GPR65: variants seen among roughly 807,000 people sequenced by gnomAD.
The protein encoded by GPR65 is G protein-coupled receptor 65, also known as T-cell death-associated gene 8 protein.
A neutral mutation model predicts 0.7 loss-of-function variants in GPR65; 2 were observed. That is an observed-to-expected ratio of 2.83 (90% CI 1.16 to 8.92). The LOEUF (loss-of-function observed/expected upper bound fraction) is 8.92, where lower values mean the gene tolerates loss of function less well. GPR65 is among the 30% of genes most tolerant of loss of function. The probability of loss-of-function intolerance (pLI) is 0.04; values close to 1 mark genes in which losing one functional copy is unlikely to be tolerated. For synonymous variants in GPR65, 128 were observed against 146.5 expected, an observed-to-expected ratio of 0.87 and a Z score of 0.91; for missense variants, 379 against 399.4, an observed-to-expected ratio of 0.95 and a Z score of 0.43.
In GPR65 at chr14:88,013,730, G is replaced by T. The variant is rs540592777; in HGVS notation, c.*1869G>T. 6.6e-6 allele frequency: 1 copy of T among 152,382 alleles called. No homozygotes were observed. Among genetic ancestry groups the T allele is most frequent in the East Asian group, 1.9e-4 (1 of 5,166 alleles). 9.4% of individuals were successfully genotyped at this position (152,382 alleles called of 1,614,324 possible). ...AAAAATTCAAAAATGTGCCAGACCT[G>T]GCCTGGTGGCATGTGCCTGTAATCC... is the stretch of plus-strand genomic sequence containing the variant. On this transcript the variant is annotated 3_prime_UTR_variant, in exon 2 of 2. Coordinates refer to ENST00000267549, the MANE Select transcript of GPR65 (RefSeq NM_003608.4).
chr14:88,011,405 C>G lies in GPR65; in HGVS notation c.558C>G (p.Phe186Leu). 1 of 1,613,980 alleles carries G rather than the reference C, an allele frequency of 6.2e-7. No individual in the cohort carries two copies. Residue 186 changes from phenylalanine to leucine, a missense_variant, in exon 2 of 2, where the codon TTC (phenylalanine) becomes TTG (leucine). By Grantham distance (22) the Phe-to-Leu change is conservative. Transcript: ENST00000267549. ...LEKWQINLNLFRTCTGYAIPL... is the reference protein window; with the variant it reads ...LEKWQINLNLLRTCTGYAIPL... Reference sequence around the variant, plus strand: ...AATGGCAAATCAACCTCAACTTGTTCAGGACGTGTACAGGCTATGCAATAC... The same window carrying G: ...AATGGCAAATCAACCTCAACTTGTTGAGGACGTGTACAGGCTATGCAATAC...
Position 88,010,790 on chromosome 14 carries a change from A to G in GPR65, c.-58A>G. The G allele has an allele frequency of 8.5e-7, 1 of 1,169,842 alleles. No individual in the cohort carries two copies. The highest frequency in any genetic ancestry group is 1.2e-6 in the Non-Finnish European group (1 of 802,910). The allele number at this position is 1,169,842 out of a possible 1,614,324, so 72.5% of individuals were successfully genotyped here. A position where few individuals can be genotyped will look rare whatever the true frequency, so the allele number is the denominator to read the frequency against. ...TGTTCAAAACAAACTACAAAGAGACAAGACTTCTCTGTTTACTTTCTAAGA... is the reference window on the plus strand; with the variant it reads ...TGTTCAAAACAAACTACAAAGAGACGAGACTTCTCTGTTTACTTTCTAAGA... On this transcript the variant is annotated 5_prime_UTR_variant, in exon 2 of 2. Coordinates refer to ENST00000267549, the MANE Select transcript of GPR65 (RefSeq NM_003608.4).
Position 88,011,053 on chromosome 14 carries a change from T to A in GPR65, c.206T>A (p.Leu69Ter). 6.2e-7 allele frequency: 1 copy of A among 1,612,296 alleles called. No homozygotes were observed. Among genetic ancestry groups the A allele is most frequent in the Non-Finnish European group, 8.5e-7 (1 of 1,178,332 alleles). The change falls in exon 2 of 2, where the codon TTA (leucine) becomes TAA (stop). Residue 69 changes from leucine to a stop codon, truncating the protein, a stop_gained. Coordinates refer to ENST00000267549, the MANE Select transcript of GPR65 (RefSeq NM_003608.4). LOFTEE classifies it low-confidence loss of function (END_TRUNC). Reference protein sequence around the residue: ...SDLLYALTLPLWIDYTWNKDN... With the variant: ...SDLLYALTLP Reference sequence around the variant, plus strand: ...TTACTCTATGCATTAACTCTCCCTTTATGGATTGATTATACCTGGAATAAA... The same window carrying A: ...TTACTCTATGCATTAACTCTCCCTTAATGGATTGATTATACCTGGAATAAA...
In GPR65 at chr14:88,011,580, A is replaced by G. The variant is rs1359838367; in HGVS notation, c.733A>G (p.Met245Val). Residue 245 changes from methionine (M) to valine (V), a missense_variant, in exon 2 of 2, where the codon ATG (methionine) becomes GTG (valine). By Grantham distance (21) the Met-to-Val change is conservative. Transcript: ENST00000267549. ...CTTATGCTTTACTCCCTTTCATGTGATGTTGCTGATTCGCTGCATTTTAGA... is the reference window on the plus strand; with the variant it reads ...CTTATGCTTTACTCCCTTTCATGTGGTGTTGCTGATTCGCTGCATTTTAGA... ...FVLCFTPFHVMLLIRCILEHA... is the reference protein window; with the variant it reads ...FVLCFTPFHVVLLIRCILEHA... The G allele has an allele frequency of 6.2e-7, 1 of 1,613,960 alleles. No individual in the cohort carries two copies. Among genetic ancestry groups the G allele is most frequent in the Admixed American group, 1.7e-5 (1 of 59,978 alleles).
In GPR65 at chr14:88,011,801, AAG is replaced by A. The variant is rs1244514631; in HGVS notation, c.956_957del (p.Arg319LysfsTer18). ...TGRCNTSQRQ[R>X]KRILSVSTKD... ...GGAGGTGTAATACATCACAAAGACA[AAG>A]AAAACGCATACTTTCTGTGTCTACA... is the stretch of plus-strand genomic sequence containing the variant. On this transcript the variant is annotated frameshift_variant, in exon 2 of 2. Transcript: ENST00000267549. LOFTEE classifies it high-confidence loss of function. The A allele has an allele frequency of 7.5e-6, 12 of 1,602,174 alleles. No homozygotes were observed. Among genetic ancestry groups the A allele is most frequent in the Non-Finnish European group, 8.5e-6 (10 of 1,172,848 alleles).
Position 88,010,756 on chromosome 14 carries a change from C to A in GPR65, c.-92C>A. On this transcript the variant is annotated 5_prime_UTR_variant, in exon 2 of 2. Coordinates refer to ENST00000267549, the MANE Select transcript of GPR65 (RefSeq NM_003608.4). ...ATTGAAAAAGAATTCTCAGTAAAAG[C>A]GAATTCGATGTTCAAAACAAACTAC... The A allele has an allele frequency of 1.2e-6, 1 of 815,466 alleles. No individual in the cohort carries two copies. Among genetic ancestry groups the A allele is most frequent in the Non-Finnish European group, 2.0e-6 (1 of 503,522 alleles). 50.5% of individuals were successfully genotyped at this position (815,466 alleles called of 1,614,324 possible).
At position 88,012,188 on chromosome 14, in the gene GPR65, T is replaced by A. The variant is rs1478379705; in HGVS notation, c.*327T>A. The A allele has an allele frequency of 5.8e-6, 1 of 171,434 alleles. No homozygotes were observed. Among genetic ancestry groups the A allele is most frequent in the East Asian group, 1.6e-4 (1 of 6,150 alleles). The allele number at this position is 171,434 out of a possible 1,614,324, so 10.6% of individuals were successfully genotyped here. ...CTGTTTCTTCCTTTGTGTCTGGGTT[T>A]ATGATTTTTCTCACTCTTTCTTTGG... On this transcript the variant is annotated 3_prime_UTR_variant, in exon 2 of 2. Coordinates refer to ENST00000267549, the MANE Select transcript of GPR65 (RefSeq NM_003608.4).
intron 1 of GPR65, among the ~76,000 whole-genome samples, chr14:88,007,334 T>G (rs1161722999): frequency 6.6e-6 from 1 of 152,108 alleles, no homozygotes; most frequent in Admixed American, 6.6e-5. Context: ...TATTGCCTTT[T>G]CAACATTCTC....
At position 88,011,920 on chromosome 14, in the gene GPR65, A is replaced by T. The variant is rs960973275; in HGVS notation, c.*59A>T. 29 of 1,269,444 alleles carry T rather than the reference A, an allele frequency of 2.3e-5. No homozygotes were observed. Among genetic ancestry groups the T allele is most frequent in the African/African-American group, 3.0e-5 (2 of 67,016 alleles). 78.6% of individuals were successfully genotyped at this position (1,269,444 alleles called of 1,614,324 possible). On this transcript the variant is annotated 3_prime_UTR_variant, in exon 2 of 2. Coordinates refer to ENST00000267549, the MANE Select transcript of GPR65 (RefSeq NM_003608.4). ...AGTTATGCATTATTATATCATCAAG[A>T]TTACATTTTGAAAAGGAAATCTAGC...
Position 88,014,024 on chromosome 14 carries a change from G to A in GPR65, c.*2163G>A, listed in dbSNP as rs1887729357. On this transcript the variant is annotated 3_prime_UTR_variant, in exon 2 of 2. Coordinates refer to ENST00000267549, the MANE Select transcript of GPR65 (RefSeq NM_003608.4). ...GCGGAGGAACCCAGGATAATATTTT[G>A]TCAACCAAGAAACAAGAAGTCCCTC... 6.6e-6 allele frequency: 1 copy of A among 152,152 alleles called. No individual in the cohort carries two copies. Among genetic ancestry groups the A allele is most frequent in the Non-Finnish European group, 1.5e-5 (1 of 68,038 alleles). The allele number at this position is 152,152 out of a possible 1,614,324, so 9.4% of individuals were successfully genotyped here. A position where few individuals can be genotyped will look rare whatever the true frequency, so the allele number is the denominator to read the frequency against.
In GPR65 at chr14:88,011,133, A is replaced by C; in HGVS notation, c.286A>C (p.Met96Leu). The change falls in exon 2 of 2, where the codon ATG becomes CTG. Residue 96 changes from methionine (M) to leucine (L), a missense_variant. By Grantham distance (15) the Met-to-Leu change is conservative. Transcript: ENST00000267549. ...LCKGSAFLMYMNFYSSTAFLT... is the reference protein window; with the variant it reads ...LCKGSAFLMYLNFYSSTAFLT... ...CAAAGGGAGTGCTTTTCTCATGTAC[A>C]TGAATTTTTACAGCAGCACAGCATT... is the stretch of plus-strand genomic sequence containing the variant. 6.2e-7 allele frequency: 1 copy of C among 1,613,988 alleles called. No individual in the cohort carries two copies. Among genetic ancestry groups the C allele is most frequent in the Non-Finnish European group, 8.5e-7 (1 of 1,179,956 alleles).
chr14:88,011,199 T>C lies in GPR65; in HGVS notation c.352T>C (p.Tyr118His), dbSNP rs370595097. Residue 118 changes from tyrosine (Y) to histidine (H), a missense_variant, in exon 2 of 2, where the codon TAC becomes CAC. Tyr to His is a moderately conservative substitution (Grantham distance 83). Coordinates refer to ENST00000267549, the MANE Select transcript of GPR65 (RefSeq NM_003608.4). Reference protein sequence around the residue: ...IAVDRYLAVVYPLKFFFLRTR... With the variant: ...IAVDRYLAVVHPLKFFFLRTR... Reference sequence around the variant, plus strand: ...CGTTGATCGGTATTTGGCTGTTGTCTACCCTTTGAAGTTTTTTTTCCTAAG... The same window carrying C: ...CGTTGATCGGTATTTGGCTGTTGTCCACCCTTTGAAGTTTTTTTTCCTAAG... 11 of 1,613,770 alleles carry C rather than the reference T, an allele frequency of 6.8e-6. No individual in the cohort carries two copies. The highest frequency in any genetic ancestry group is 9.3e-6 in the Non-Finnish European group (11 of 1,179,956).
rs1182908908 is a variant in GPR65 at position 88,014,757 on chromosome 14, G to A, written c.*2896G>A. ...AGGTCTCCATATTATCATTCAATGTGAGAATAAAAATTCTATATTTTATTC... is the reference window on the plus strand; with the variant it reads ...AGGTCTCCATATTATCATTCAATGTAAGAATAAAAATTCTATATTTTATTC... On this transcript the variant is annotated 3_prime_UTR_variant, in exon 2 of 2. Transcript: ENST00000267549. The A allele has an allele frequency of 2.6e-5, 4 of 151,966 alleles. No individual in the cohort carries two copies. Among genetic ancestry groups the A allele is most frequent in the Non-Finnish European group, 5.9e-5 (4 of 67,978 alleles). 9.4% of individuals were successfully genotyped at this position (151,966 alleles called of 1,614,324 possible).
chr14:88,008,009 T>C (rs1887620877), intron 1 of GPR65, among the ~76,000 whole-genome samples: 1 of 152,140 alleles, frequency 6.6e-6, no homozygotes, highest in Non-Finnish European at 1.5e-5. Context: ...ATTTATTGTT[T>C]TCTCTCAATT....
intron 1 of GPR65, among the ~76,000 whole-genome samples, chr14:88,007,156 T>C (rs1386863920): frequency 6.6e-6 from 1 of 152,170 alleles, no homozygotes; most frequent in African/African-American, 2.4e-5. Flanking sequence ...TGCAATTTTA[T>C]TGCAATGTGT....
chr14:88,012,307 T>C lies in GPR65; in HGVS notation c.*446T>C, dbSNP rs1887696314. On this transcript the variant is annotated 3_prime_UTR_variant, in exon 2 of 2. Transcript: ENST00000267549. Reference sequence around the variant, plus strand: ...TACTGCTTCTAATCTCCTCATTCATTAACAAATCTTTATTTTTTTATCTTG... The same window carrying C: ...TACTGCTTCTAATCTCCTCATTCATCAACAAATCTTTATTTTTTTATCTTG... 6.5e-6 allele frequency: 1 copy of C among 153,098 alleles called. No individual in the cohort carries two copies. The highest frequency in any genetic ancestry group is 1.9e-4 in the East Asian group (1 of 5,216). The allele number at this position is 153,098 out of a possible 1,614,324, so 9.5% of individuals were successfully genotyped here.
chr14:88,012,030 C>T lies in GPR65; in HGVS notation c.*169C>T, dbSNP rs1887690596. On this transcript the variant is annotated 3_prime_UTR_variant, in exon 2 of 2. Transcript: ENST00000267549. ...TAAAACTGCATTGTACAGCTCCCTC[C>T]CTGCGTTTTATTAAATGATGTATAT... 1 of 525,032 alleles carries T rather than the reference C, an allele frequency of 1.9e-6. No homozygotes were observed. Among genetic ancestry groups the T allele is most frequent in the African/African-American group, 1.9e-5 (1 of 52,066 alleles). The allele number at this position is 525,032 out of a possible 1,614,324, so 32.5% of individuals were successfully genotyped here.
chr14:88,007,988 G>T (rs1887620483), intron 1 of GPR65, among the ~76,000 whole-genome samples: 2 of 151,796 alleles, frequency 1.3e-5, no homozygotes, highest in South Asian at 2.1e-4. Flanking sequence ...TCATAATTAG[G>T]TAAATTATTT....
In GPR65 at chr14:88,010,817, C is replaced by T; in HGVS notation, c.-31C>T. 6.8e-7 allele frequency: 1 copy of T among 1,463,748 alleles called. No individual in the cohort carries two copies. Among genetic ancestry groups the T allele is most frequent in the Non-Finnish European group, 9.5e-7 (1 of 1,050,212 alleles). 90.7% of individuals were successfully genotyped at this position (1,463,748 alleles called of 1,614,324 possible). A position where few individuals can be genotyped will look rare whatever the true frequency, so the allele number is the denominator to read the frequency against. On this transcript the variant is annotated 5_prime_UTR_variant, in exon 2 of 2. Transcript: ENST00000267549. ...GACTTCTCTGTTTACTTTCTAAGAA[C>T]TAATATAATTGCTACCTTAAAAAGG... is the stretch of plus-strand genomic sequence containing the variant.
Sources: gnomAD v4.1 joint callset for allele counts (sites outside exome capture counted in the v4.1 genomes callset) on GRCh38, gnomAD v4.1.1 for gene constraint, MANE v1.5 for transcripts, NCBI Gene and HGNC (gene_info 2026-07-23, HGNC 2026-07-21) for gene names.